Variants in PHLPP1 observed in about 807,000 individuals in gnomAD.
PHLPP1 encodes the protein PH domain and leucine rich repeat protein phosphatase 1.
In PHLPP1, 42 loss-of-function variants were observed where a neutral mutation model predicts 117.2. The observed-to-expected ratio is 0.36, with a 90% confidence interval of 0.28 to 0.46. PHLPP1 has a LOEUF of 0.46. Ranked by LOEUF, PHLPP1 falls within the 20% of genes least tolerant of loss-of-function variation. PHLPP1 has a pLI of 1.00. For synonymous variants in PHLPP1, 1,042 were observed against 970.7 expected (o/e 1.07, Z -1.37); for missense variants, 2,084 against 2,241.9 (o/e 0.93, Z 1.42).
chr18:62,879,569 G>A (rs750383715), intron 4 of PHLPP1, among the ~76,000 whole-genome samples: 1 of 152,074 alleles, frequency 6.6e-6, no homozygotes, highest in Non-Finnish European at 1.5e-5. Flanking sequence ...GTGCCACCAC[G>A]CTGGGCTAAT....
chr18:62,736,303 G>C (rs887916610), intron 1 of PHLPP1, among the ~76,000 whole-genome samples: 1 of 152,210 alleles, frequency 6.6e-6, no homozygotes, highest in Non-Finnish European at 1.5e-5. Context: ...AAGATCCCCA[G>C]GAGTTTCATC....
intron 4 of PHLPP1, among the ~76,000 whole-genome samples, chr18:62,877,532 A>G (rs1290060471): frequency 6.6e-6 from 1 of 152,246 alleles, no homozygotes; most frequent in African/African-American, 2.4e-5. Context: ...GGTTAGAGAT[A>G]ACCTTGGGAA....
chr18:62,865,451 CA>C (rs1421981941), intron 4 of PHLPP1, among the ~76,000 whole-genome samples: 10 of 152,080 alleles, frequency 6.6e-5, no homozygotes, highest in African/African-American at 2.4e-4. Context: ...AGCTACCCAT[CA>C]TGAACTATCA....
At chr18:62,932,282 A>G (rs1403057545) in intron 10 of PHLPP1, among the ~76,000 whole-genome samples, 1 of 151,066 alleles carries the variant, frequency 6.6e-6, no homozygotes, top group African/African-American at 2.4e-5. Context: ...TGAAACCAGT[A>G]TCATCCTGAT....
At chr18:62,942,227 C>T (rs1456532649) in intron 11 of PHLPP1, among the ~76,000 whole-genome samples, 1 of 152,104 alleles carries the variant, frequency 6.6e-6, no homozygotes, top group Non-Finnish European at 1.5e-5. Context: ...TTTTAAAAAA[C>T]CATTATCCTA....
At chr18:62,781,677 A>G (rs1913123497) in intron 1 of PHLPP1, among the ~76,000 whole-genome samples, 1 of 152,078 alleles carries the variant, frequency 6.6e-6, no homozygotes, top group Non-Finnish European at 1.5e-5. Context: ...TTTTCCACCA[A>G]ATTAATTATG....
chr18:62,716,323 A>G lies in PHLPP1; in HGVS notation c.640A>G (p.Thr214Ala), dbSNP rs1910732488. ...CGTCTTCGACCGCCACATGGCCTCG[A>G]CCTACCTGCGCCCGGTGCTCTGCAC... is the stretch of plus-strand genomic sequence containing the variant. ...VHVFDRHMAS[T>A]YLRPVLCTLD... The change falls in exon 1 of 17, where the codon ACC becomes GCC. Residue 214 changes from threonine (T) to alanine (A), a missense_variant. Coordinates refer to ENST00000262719, the MANE Select transcript of PHLPP1 (RefSeq NM_194449.4). The surrounding 1 kb of genome is among the most constrained non-coding windows in gnomAD (Gnocchi z 5.7). 2 of 1,530,070 alleles carry G rather than the reference A, an allele frequency of 1.3e-6. No individual in the cohort carries two copies. The highest frequency in any genetic ancestry group is 1.7e-6 in the Non-Finnish European group (2 of 1,144,948). 94.8% of individuals were successfully genotyped at this position (1,530,070 alleles called of 1,614,324 possible). A position where few individuals can be genotyped will look rare whatever the true frequency, so the allele number is the denominator to read the frequency against.
chr18:62,951,603 C>T (rs1241492468), intron 12 of PHLPP1, among the ~76,000 whole-genome samples: 1 of 152,106 alleles, frequency 6.6e-6, no homozygotes, highest in Non-Finnish European at 1.5e-5. Flanking sequence ...CCTGGAATCA[C>T]TTGTAAATTT....
chr18:62,830,090 T>G lies in PHLPP1; in HGVS notation c.1632T>G (p.Asn544Lys). Residue 544 changes from asparagine to lysine, a missense_variant, in exon 2 of 17, where the codon AAT (asparagine) becomes AAG (lysine). This residue lies in a region of PHLPP1 where 1,365 missense variants were observed against 1,605.9 expected (regional missense o/e 0.85). Coordinates refer to ENST00000262719, the MANE Select transcript of PHLPP1 (RefSeq NM_194449.4). ...SERIQLSGMY[N>K]VRKGKMQLPV... ...GGATTCAGCTCTCAGGAATGTATAATGTCCGTAAAGGCAAGATGCAGTTGC... is the reference window on the plus strand; with the variant it reads ...GGATTCAGCTCTCAGGAATGTATAAGGTCCGTAAAGGCAAGATGCAGTTGC... 6.2e-7 allele frequency: 1 copy of G among 1,613,806 alleles called. No homozygotes were observed. Among genetic ancestry groups the G allele is most frequent in the Non-Finnish European group, 8.5e-7 (1 of 1,179,814 alleles).
intron 9 of PHLPP1, among the ~76,000 whole-genome samples, chr18:62,917,763 A>G (rs774956275): frequency 1.1e-4 from 17 of 151,870 alleles, no homozygotes; most frequent in Non-Finnish European, 2.2e-4. Context: ...ACAGTGACCT[A>G]TGATTGCATC....
intron 1 of PHLPP1, among the ~76,000 whole-genome samples, chr18:62,766,072 A>T (rs1335981494): frequency 4.9e-5 from 1 of 20,210 alleles, no homozygotes; most frequent in East Asian, 4.3e-3. Flanking sequence ...AAAAAAAAAA[A>T]AAAAATATAT....
chr18:62,923,593 T>G (rs1909539673), intron 10 of PHLPP1, among the ~76,000 whole-genome samples: 1 of 152,222 alleles, frequency 6.6e-6, no homozygotes, highest in East Asian at 1.9e-4. Flanking sequence ...AATCATATTT[T>G]CTAATGATTT....
At chr18:62,775,776 C>T (rs1486737353) in intron 1 of PHLPP1, among the ~76,000 whole-genome samples, 2 of 152,044 alleles carry the variant, frequency 1.3e-5, no homozygotes, top group Non-Finnish European at 2.9e-5. Context: ...CCTGTGAAAC[C>T]ACCACCACAG....
chr18:62,795,402 C>T lies in PHLPP1; in HGVS notation c.1577-34633C>T, dbSNP rs547218926. ...CTGAGGCAGGAGAATTGCTTGAACC[C>T]GGGAGGTGGAGGTTGCAGTGAGCCG... On this transcript the variant is annotated intron_variant, in intron 1 of 16. Transcript: ENST00000262719. Among the ~76,000 whole-genome samples the T allele has an allele frequency of 6.9e-5, 10 of 145,364 alleles. No individual in the cohort carries two copies. In the South Asian group the frequency reaches 7.1e-4, roughly 10 times the overall value.
intron 6 of PHLPP1, among the ~76,000 whole-genome samples, chr18:62,902,598 A>G (rs1916750936): frequency 1.3e-5 from 2 of 152,232 alleles, no homozygotes; most frequent in South Asian, 4.1e-4. Context: ...TCTTTTCGGT[A>G]TGGTGTAGAT....
chr18:62,975,093 G>C (rs1185017541), intron 15 of PHLPP1, among the ~76,000 whole-genome samples: 1 of 152,182 alleles, frequency 6.6e-6, no homozygotes, highest in East Asian at 1.9e-4. Flanking sequence ...GGTTGATGAG[G>C]GTAGCAGGCT....
chr18:62,964,849 A>T (rs545922870), intron 14 of PHLPP1, among the ~76,000 whole-genome samples: 10 of 152,322 alleles, frequency 6.6e-5, no homozygotes, highest in African/African-American at 2.4e-4. Flanking sequence ...ATCTCTGTAT[A>T]TTAATATCTA....
At chr18:62,953,334 A>G (rs1910518409) in intron 12 of PHLPP1, among the ~76,000 whole-genome samples, 1 of 152,160 alleles carries the variant, frequency 6.6e-6, no homozygotes, top group East Asian at 1.9e-4. Flanking sequence ...AACTGCTCAT[A>G]GTGAGTTTCC....
chr18:62,918,429 A>AATATATATATATATATAT (rs34065978), intron 9 of PHLPP1, among the ~76,000 whole-genome samples: 2,099 of 140,370 alleles, frequency 0.015, 39 homozygotes, highest in African/African-American at 0.036. Context: ...GTAAAGGATA[A>AATATATATATATATATAT]ATATATATAT....
Sources: allele counts gnomAD v4.1 joint callset (sites outside exome capture counted in the v4.1 genomes callset), GRCh38; gene constraint gnomAD v4.1.1; regional missense constraint gnomAD v4.1.1; non-coding constraint Gnocchi (gnomAD v3.1); transcripts MANE v1.5; gene names NCBI Gene and HGNC (gene_info 2026-07-23, HGNC 2026-07-21).